EML4: variants seen among roughly 807,000 people sequenced by gnomAD.
EML4 encodes EMAP like 4.
In EML4, 72 loss-of-function variants were observed where a neutral mutation model predicts 129.0. The observed-to-expected ratio is 0.56, with a 90% CI of 0.46 to 0.68. The LOEUF (loss-of-function observed/expected upper bound fraction) is 0.68, where lower values mean the gene tolerates loss of function less well. Among genes scored for constraint, EML4 ranks in the 30% least tolerant of loss-of-function variants. The probability of loss-of-function intolerance (pLI) is 0.00; values close to 1 mark genes in which losing one functional copy is unlikely to be tolerated. For synonymous variants in EML4, 532 were observed against 405.0 expected, an observed-to-expected ratio of 1.31 and a Z score of -3.77; for missense variants, 1,363 against 1,190.6, an observed-to-expected ratio of 1.14 and a Z score of -2.13.
chr2:42,257,868 T>G (rs552795378), intron 3 of EML4, among the ~76,000 whole-genome samples: 136 of 151,772 alleles, frequency 9.0e-4, no homozygotes, highest in African/African-American at 2.8e-3. Context: ...CTTCTGGAAC[T>G]CAATCTTTGT....
At chr2:42,177,496 G>A (rs1024584753) in intron 1 of EML4, among the ~76,000 whole-genome samples, 10 of 151,978 alleles carry the variant, frequency 6.6e-5, no homozygotes, top group African/African-American at 1.2e-4. Context: ...GGTGGTGCAC[G>A]CCTGTGGTCC....
intron 1 of EML4, among the ~76,000 whole-genome samples, chr2:42,170,471 T>G (rs1211144703): frequency 6.6e-6 from 1 of 152,230 alleles, no homozygotes; most frequent in East Asian, 1.9e-4. Context: ...CTTTGTGGAA[T>G]GGAGAAAGGG....
At chr2:42,223,358 AT>A (rs1027894305) in intron 1 of EML4, among the ~76,000 whole-genome samples, 1 of 152,042 alleles carries the variant, frequency 6.6e-6, no homozygotes, top group Non-Finnish European at 1.5e-5. Context: ...ATTTGCTATC[AT>A]TTTTTTGTTT....
chr2:42,313,523 C>T (rs1572742775), intron 17 of EML4, among the ~76,000 whole-genome samples: 1 of 151,368 alleles, frequency 6.6e-6, no homozygotes, highest in East Asian at 1.9e-4. Context: ...TACCACTAAG[C>T]TTTAAAAAAA....
chr2:42,228,710 G>A (rs1185233917), intron 1 of EML4, among the ~76,000 whole-genome samples: 1 of 152,126 alleles, frequency 6.6e-6, no homozygotes, highest in Non-Finnish European at 1.5e-5. Flanking sequence ...GACTTTCTGT[G>A]AGTTCTACAA....
chr2:42,214,968 T>TA (rs1340364441), intron 1 of EML4, among the ~76,000 whole-genome samples: 2 of 152,188 alleles, frequency 1.3e-5, no homozygotes, highest in African/African-American at 2.4e-5. Flanking sequence ...AGGAGAGAAC[T>TA]ACATAAGAGC....
intron 17 of EML4, 71 bp from the exon 18 acceptor site, chr2:42,315,888 AAAG>A (rs1481290758): frequency 8.7e-7 from 1 of 1,144,344 alleles, no homozygotes. Context: ...CTCAAAAAAA[AAAG>A]AAAAAGAACA....
At chr2:42,202,533 A>G (rs995201530) in intron 1 of EML4, among the ~76,000 whole-genome samples, 1 of 152,208 alleles carries the variant, frequency 6.6e-6, no homozygotes, top group Non-Finnish European at 1.5e-5. Context: ...ACAATAGGCC[A>G]TCTCCACACT....
chr2:42,288,927 G>T (rs545211358), intron 11 of EML4: 2 of 152,212 alleles, frequency 1.3e-5, no homozygotes, highest in South Asian at 4.2e-4. Context: ...CCTCTGACAG[G>T]CATTTAAAAA....
rs568056014 is a variant in EML4, at chr2:42,212,660, C to T, written c.26-32845C>T. ...AAATGGCATGACACCCACAGATACA[C>T]TTACTGTATGTCCACATTATTCACT... On this transcript the variant is annotated intron_variant, in intron 1 of 22. Transcript: ENST00000318522. Among the ~76,000 whole-genome samples the T allele has an allele frequency of 5.3e-5, 8 of 152,348 alleles. No individual in the cohort carries two copies. In the South Asian group the frequency reaches 1.7e-3, roughly 32 times the overall value.
In EML4 at chr2:42,282,866, C is replaced by T. The variant is rs1444966645; in HGVS notation, c.835C>T (p.Leu279Phe). ...GKDCRANVYLLPTGKIVYFIA... is the reference protein window; with the variant it reads ...GKDCRANVYLFPTGKIVYFIA... ...GGACTGTAGAGCTAATGTTTACCTT[C>T]TTCCGACCGGGAAAATAGTTTATTT... Residue 279 changes from leucine (L) to phenylalanine (F), a missense_variant, in exon 8 of 23, where the codon CTT (leucine) becomes TTT (phenylalanine). Leu to Phe is a conservative substitution (Grantham distance 22, BLOSUM62 0). Coordinates refer to ENST00000318522, the MANE Select transcript of EML4 (RefSeq NM_019063.5). 1.2e-6 allele frequency: 2 copies of T among 1,613,230 alleles called. No individual in the cohort carries two copies. The highest frequency in any genetic ancestry group is 1.7e-6 in the Non-Finnish European group (2 of 1,179,274).
chr2:42,231,639 A>G (rs1363875760), intron 1 of EML4, among the ~76,000 whole-genome samples: 2 of 152,076 alleles, frequency 1.3e-5, no homozygotes, highest in Non-Finnish European at 2.9e-5. Flanking sequence ...TTCTGTCTTG[A>G]GTATCATCTA....
In EML4 at chr2:42,301,401, G is replaced by A; in HGVS notation, c.1641+9G>A. 1 of 1,599,128 alleles carries A rather than the reference G, an allele frequency of 6.3e-7. No homozygotes were observed. The highest frequency in any genetic ancestry group is 1.3e-5 in the African/African-American group (1 of 74,118). ...CTGAAAGAGAAATAGAGGTAAGGAT[G>A]GAAACGGAATATAAAAATATTAAAT... On this transcript the variant is annotated intron_variant, in intron 14 of 22. Transcript: ENST00000318522.
intron 1 of EML4, among the ~76,000 whole-genome samples, chr2:42,194,986 T>G (rs897597178): frequency 6.6e-6 from 1 of 152,228 alleles, no homozygotes; most frequent in African/African-American, 2.4e-5. Flanking sequence ...GGCAAAGACT[T>G]TGCTTTATTT....
chr2:42,284,358 CT>C (rs1360417301), intron 8 of EML4, among the ~76,000 whole-genome samples: 2 of 152,162 alleles, frequency 1.3e-5, no homozygotes, highest in African/African-American at 2.4e-5. Context: ...TAGAAAGGAA[CT>C]TCAGCAAATG....
At chr2:42,263,381 G>C in intron 5 of EML4, 75 bp downstream of exon 5, 1 of 442,030 alleles carries the variant, frequency 2.3e-6, no homozygotes, top group Non-Finnish European at 4.1e-6. Flanking sequence ...GTACAGTTAT[G>C]TATGTCTGGT....
At chr2:42,275,145 C>T (rs980259062) in intron 6 of EML4, among the ~76,000 whole-genome samples, 2 of 152,098 alleles carry the variant, frequency 1.3e-5, no homozygotes, top group Non-Finnish European at 2.9e-5. Context: ...TTTAAAAAGT[C>T]ACAAGTAATA....
At chr2:42,280,027 C>T (rs1372599665) in intron 6 of EML4, among the ~76,000 whole-genome samples, 2 of 152,028 alleles carry the variant, frequency 1.3e-5, no homozygotes, top group East Asian at 3.9e-4. Flanking sequence ...AGATATATGG[C>T]TTGCAAATAT....
At chr2:42,329,230 G>A (rs1039969956) in intron 22 of EML4, among the ~76,000 whole-genome samples, 25 of 152,138 alleles carry the variant, frequency 1.6e-4, no homozygotes, top group African/African-American at 5.1e-4. Context: ...AATGACGACC[G>A]ATGATGTTAT....
Sources: allele counts gnomAD v4.1 joint callset (sites outside exome capture counted in the v4.1 genomes callset), GRCh38; gene constraint gnomAD v4.1.1; transcripts MANE v1.5; gene names NCBI Gene and HGNC (gene_info 2026-07-23, HGNC 2026-07-21).